CARMIL1: variants seen among roughly 807,000 people sequenced by gnomAD.
CARMIL1 encodes the protein F-actin-uncapping protein LRRC16A.
In CARMIL1, 90 loss-of-function variants were observed where a neutral mutation model predicts 177.1. The observed-to-expected ratio is 0.51, with a 90% CI of 0.43 to 0.61. CARMIL1 has a LOEUF of 0.61. CARMIL1 is among the 20% of genes least tolerant of loss of function. The pLI is 0.00. For synonymous variants in CARMIL1, 577 were observed against 606.2 expected (o/e 0.95, Z 0.71); for missense variants, 1,380 against 1,667.0 (o/e 0.83, Z 3.00).
rs188067000 is a variant in CARMIL1, at chr6:25,316,007, T to C, written c.138+31098T>C. 1.7e-4 allele frequency among the ~76,000 whole-genome samples: 26 copies of C among 152,330 alleles called. No individual in the cohort carries two copies. The East Asian group carries it at 3.1e-3, about 18-fold the overall frequency. ...TAAGCCTACCCTATTTCTGTCCTTT[T>C]CTTCCTAAGCTAAATGTTATGACTT... On this transcript the variant is annotated intron_variant, in intron 2 of 36. Coordinates refer to ENST00000329474, the MANE Select transcript of CARMIL1 (RefSeq NM_017640.6).
rs529554370 is a variant in CARMIL1 at position 25,593,433 on chromosome 6, C to G, written c.3007-982C>G. On this transcript the variant is annotated intron_variant, in intron 31 of 36. Coordinates refer to ENST00000329474, the MANE Select transcript of CARMIL1 (RefSeq NM_017640.6). ...AAGCAGTAAATTCCTTCTTCCTTAG[C>G]ATAAGGCTCAAGGCTGTTCCTTATG... Among the ~76,000 whole-genome samples, 3 of 152,196 alleles carry G rather than the reference C, an allele frequency of 2.0e-5. No homozygotes were observed. In the East Asian group the frequency reaches 5.8e-4, roughly 29 times the overall value.
chr6:25,387,114 C>CAAAAAAAAA lies in CARMIL1; in HGVS notation c.139-32989_139-32981dup, dbSNP rs377548646. On this transcript the variant is annotated intron_variant, in intron 2 of 36. Coordinates refer to ENST00000329474, the MANE Select transcript of CARMIL1 (RefSeq NM_017640.6). ...GGGTGACAGAGTGAGACTCTGTCTC[C>CAAAAAAAAA]AAAAAAAAAAAAAAAAAAATCACAA... Among the ~76,000 whole-genome samples, 71 of 101,892 alleles carry CAAAAAAAAA rather than the reference C, an allele frequency of 7.0e-4. 3 individuals are homozygous for CAAAAAAAAA. Among genetic ancestry groups the CAAAAAAAAA allele is most frequent in the African/African-American group, 2.1e-3 (48 of 22,490 alleles). 66.8% of individuals were successfully genotyped at this position (101,892 alleles called of 152,430 possible). A position where few individuals can be genotyped will look rare whatever the true frequency, so the allele number is the denominator to read the frequency against.
At chr6:25,358,630 G>A (rs1021890898) in intron 2 of CARMIL1, among the ~76,000 whole-genome samples, 2 of 152,060 alleles carry the variant, frequency 1.3e-5, no homozygotes, top group African/African-American at 4.8e-5. Context: ...CTTTACCCAG[G>A]TCAAGCAACG....
At chr6:25,378,919 C>A (rs1278201820) in intron 2 of CARMIL1, among the ~76,000 whole-genome samples, 1 of 150,796 alleles carries the variant, frequency 6.6e-6, no homozygotes, top group Non-Finnish European at 1.5e-5. Flanking sequence ...TTATTGGGTA[C>A]CTTTGGGGTG....
chr6:25,280,963 G>A (rs1397496940), intron 1 of CARMIL1, among the ~76,000 whole-genome samples: 1 of 152,006 alleles, frequency 6.6e-6, no homozygotes, highest in African/African-American at 2.4e-5. Context: ...GGAGGAATTT[G>A]TGTATGCCCT....
intron 26 of CARMIL1, among the ~76,000 whole-genome samples, chr6:25,543,307 A>G (rs1322322139): frequency 6.6e-6 from 1 of 152,186 alleles, no homozygotes; most frequent in Non-Finnish European, 1.5e-5. Flanking sequence ...TTTCCAAAGT[A>G]TTATTTCAGA....
At chr6:25,393,916 C>T (rs543107348) in intron 2 of CARMIL1, among the ~76,000 whole-genome samples, 7 of 152,164 alleles carry the variant, frequency 4.6e-5, no homozygotes, top group South Asian at 2.1e-4. Flanking sequence ...ATGAATAATA[C>T]GTTCTTGGGG....
chr6:25,350,354 T>C (rs1581652196), intron 2 of CARMIL1, among the ~76,000 whole-genome samples: 1 of 152,180 alleles, frequency 6.6e-6, no homozygotes, highest in Non-Finnish European at 1.5e-5. Context: ...TAGTTACTAA[T>C]GGTAAAAATC....
At position 25,574,417 on chromosome 6, in the gene CARMIL1, A is replaced by T. The variant is rs144657335; in HGVS notation, c.2743-6507A>T. Among the ~76,000 whole-genome samples, 50 of 152,320 alleles carry T rather than the reference A, an allele frequency of 3.3e-4. No individual in the cohort carries two copies. In the East Asian group the frequency reaches 7.9e-3, roughly 24 times the overall value. On this transcript the variant is annotated intron_variant, in intron 29 of 36. Coordinates refer to ENST00000329474, the MANE Select transcript of CARMIL1 (RefSeq NM_017640.6). ...AGGAGTGCAAGAGCTTCTCTCTCTT[A>T]TTCACTGCTAGACCCACGCCTTTCT...
intron 27 of CARMIL1, among the ~76,000 whole-genome samples, chr6:25,552,426 A>T (rs1810194604): frequency 6.6e-6 from 1 of 152,174 alleles, no homozygotes; most frequent in Non-Finnish European, 1.5e-5. Context: ...TATAGAATAC[A>T]CATCAATGAA....
At chr6:25,362,396 C>T (rs4712919) in intron 2 of CARMIL1, among the ~76,000 whole-genome samples, 73,635 of 152,132 alleles carry the variant, frequency 0.48, 18,412 homozygotes, top group Non-Finnish European at 0.55. Flanking sequence ...CTACACGGGC[C>T]GGGCGTGGTG....
intron 2 of CARMIL1, among the ~76,000 whole-genome samples, chr6:25,324,695 A>G (rs1205919002): frequency 2.0e-5 from 3 of 152,230 alleles, no homozygotes; most frequent in Admixed American, 6.5e-5. Flanking sequence ...TGGAAAATAA[A>G]TATCTGATAA....
chr6:25,617,571 T>C (rs1759379713), intron 36 of CARMIL1, among the ~76,000 whole-genome samples: 1 of 152,218 alleles, frequency 6.6e-6, no homozygotes, highest in African/African-American at 2.4e-5. Context: ...ATTTTGGTTT[T>C]AAAACGATGA....
At chr6:25,283,463 G>A (rs985490786) in intron 1 of CARMIL1, among the ~76,000 whole-genome samples, 7 of 152,132 alleles carry the variant, frequency 4.6e-5, no homozygotes, top group Admixed American at 1.3e-4. Context: ...AAAGGAGTTG[G>A]ACATAAGCAT....
chr6:25,599,008 C>T (rs562085987), intron 32 of CARMIL1, among the ~76,000 whole-genome samples: 1 of 152,332 alleles, frequency 6.6e-6, no homozygotes, highest in South Asian at 2.1e-4. Context: ...TCTTGAGCCT[C>T]CCTGTTTCGT....
At chr6:25,450,521 T>C in intron 7 of CARMIL1, 112 bp downstream of exon 7, 2 of 1,123,012 alleles carry the variant, frequency 1.8e-6, no homozygotes, top group East Asian at 2.5e-5. Context: ...ACTTAAAATC[T>C]TCACTTCTCA....
intron 4 of CARMIL1, among the ~76,000 whole-genome samples, chr6:25,428,524 C>G (rs1310230109): frequency 1.3e-5 from 2 of 152,116 alleles, no homozygotes; most frequent in Non-Finnish European, 2.9e-5. Context: ...CTTTGCAATT[C>G]CGTATGAATT....
intron 35 of CARMIL1, among the ~76,000 whole-genome samples, chr6:25,608,556 TTTTG>T (rs1816207639): frequency 6.6e-6 from 1 of 152,218 alleles, no homozygotes; most frequent in African/African-American, 2.4e-5. Context: ...AGAAGTTTTA[TTTTG>T]TTTATTTACT....
At chr6:25,576,149 C>A (rs3804123) in intron 29 of CARMIL1, among the ~76,000 whole-genome samples, 5 of 151,734 alleles carry the variant, frequency 3.3e-5, no homozygotes, top group African/African-American at 9.7e-5. Flanking sequence ...GAATAATTAT[C>A]ATTCATTCAG....
Sources: gnomAD v4.1 joint callset for allele counts (sites outside exome capture counted in the v4.1 genomes callset) on GRCh38, gnomAD v4.1.1 for gene constraint, MANE v1.5 for transcripts, NCBI Gene and HGNC (gene_info 2026-07-23, HGNC 2026-07-21) for gene names.